NFYC: variants seen among roughly 807,000 people sequenced by gnomAD.
NFYC encodes the protein nuclear transcription factor Y subunit gamma.
A neutral mutation model predicts 53.1 loss-of-function variants in NFYC; 25 were observed. That is an observed-to-expected ratio of 0.47 (90% CI 0.34 to 0.66). The LOEUF is 0.66. Ranked by LOEUF, NFYC falls within the 30% of genes least tolerant of loss-of-function variation. The pLI is 0.01. For synonymous variants in NFYC, 145 were observed against 152.6 expected (o/e 0.95, Z 0.37); for missense variants, 260 against 422.7 (o/e 0.62, Z 3.38).
At chr1:40,709,789 T>C (rs1643876485) in intron 1 of NFYC, among the ~76,000 whole-genome samples, 1 of 152,216 alleles carries the variant, frequency 6.6e-6, no homozygotes, top group Admixed American at 6.5e-5. Flanking sequence ...CTAGGATTTC[T>C]TTCCTAGTTG....
chr1:40,750,506 T>C (rs1187536245), intron 4 of NFYC, among the ~76,000 whole-genome samples: 4 of 152,202 alleles, frequency 2.6e-5, no homozygotes, highest in Admixed American at 2.0e-4. Flanking sequence ...AAAATCCTTA[T>C]CTGTGGGAAG....
intron 1 of NFYC, among the ~76,000 whole-genome samples, chr1:40,697,856 C>G (rs1486641036): frequency 6.6e-6 from 1 of 152,166 alleles, no homozygotes; most frequent in Non-Finnish European, 1.5e-5. Flanking sequence ...CAGTGATGTA[C>G]CTGATAGCAG....
intron 1 of NFYC, among the ~76,000 whole-genome samples, chr1:40,720,810 A>G (rs1644300944): frequency 6.6e-6 from 1 of 152,218 alleles, no homozygotes; most frequent in Non-Finnish European, 1.5e-5. Flanking sequence ...TTGAGGCTTC[A>G]GTGAGCCATG....
chr1:40,748,926 T>C (rs1172025361), intron 3 of NFYC, among the ~76,000 whole-genome samples: 4 of 152,202 alleles, frequency 2.6e-5, no homozygotes, highest in African/African-American at 9.7e-5. Context: ...CATCTGCTGC[T>C]TCTTTAACTC....
intron 1 of NFYC, among the ~76,000 whole-genome samples, chr1:40,738,372 A>G (rs1183896553): frequency 6.6e-6 from 1 of 152,210 alleles, no homozygotes; most frequent in Non-Finnish European, 1.5e-5. Context: ...ATTTCTGTAC[A>G]GTACTAATCA....
intron 1 of NFYC, chr1:40,735,021 G>C (rs1452736915): frequency 6.6e-6 from 1 of 152,194 alleles, no homozygotes; most frequent in African/African-American, 2.4e-5. Context: ...AGATGGGAAA[G>C]AATGTCTTAC....
intron 8 of NFYC, chr1:40,767,115 T>A: frequency 1.3e-6 from 1 of 757,748 alleles, no homozygotes; most frequent in Admixed American, 2.1e-5. Flanking sequence ...TACCCCTACC[T>A]CCTCTTGCAT....
chr1:40,734,198 A>G (rs1570512910), intron 1 of NFYC, among the ~76,000 whole-genome samples: 1 of 152,150 alleles, frequency 6.6e-6, no homozygotes, highest in Non-Finnish European at 1.5e-5. Flanking sequence ...ACTTTTAAAT[A>G]CATTCTTTCC....
intron 1 of NFYC, among the ~76,000 whole-genome samples, chr1:40,727,320 C>T (rs1008842048): frequency 6.6e-5 from 10 of 151,862 alleles, no homozygotes; most frequent in African/African-American, 1.9e-4. Context: ...ATCTCCCAGG[C>T]TCAAGTGATC....
intron 6 of NFYC, among the ~76,000 whole-genome samples, chr1:40,760,310 T>C (rs1412594616): frequency 2.0e-5 from 3 of 152,134 alleles, no homozygotes; most frequent in East Asian, 1.9e-4. Context: ...CTCACACCTA[T>C]AATCCCATCA....
chr1:40,760,726 A>G (rs1166728013), intron 6 of NFYC, among the ~76,000 whole-genome samples: 1 of 152,126 alleles, frequency 6.6e-6, no homozygotes, highest in Non-Finnish European at 1.5e-5. Context: ...TCAAAAAAAA[A>G]AAAAGGTAAT....
intron 4 of NFYC, among the ~76,000 whole-genome samples, chr1:40,750,453 C>T (rs1310720987): frequency 6.6e-6 from 1 of 152,184 alleles, no homozygotes; most frequent in Non-Finnish European, 1.5e-5. Flanking sequence ...ATGTGCCGGG[C>T]ACTTTTCTAG....
At chr1:40,714,601 C>T (rs1490622344) in intron 1 of NFYC, among the ~76,000 whole-genome samples, 2 of 152,098 alleles carry the variant, frequency 1.3e-5, no homozygotes, top group African/African-American at 4.8e-5. Context: ...GTCTACATTT[C>T]CCAGAAGTTT....
In NFYC at chr1:40,702,886, G is replaced by A. The variant is rs928169372; in HGVS notation, c.-9+11019G>A. ...GGCCGGAGTGCAGTGGCATGATCTC[G>A]GCTCACTGCATCCTCCACCTCCCAG... is the stretch of plus-strand genomic sequence containing the variant. On this transcript the variant is annotated intron_variant, in intron 1 of 9. Coordinates refer to ENST00000447388, the MANE Select transcript of NFYC (RefSeq NM_014223.5). 7.9e-5 allele frequency among the ~76,000 whole-genome samples: 12 copies of A among 151,972 alleles called. No individual in the cohort carries two copies. The South Asian group carries it at 1.0e-3, about 13-fold the overall frequency.
intron 1 of NFYC, among the ~76,000 whole-genome samples, chr1:40,702,599 C>T (rs1643493076): frequency 6.6e-6 from 1 of 152,116 alleles, no homozygotes; most frequent in Non-Finnish European, 1.5e-5. Context: ...GCCTCGGCCT[C>T]CCAAAGTGCT....
At chr1:40,762,792 G>T in intron 6 of NFYC, 96 bp from the exon 7 acceptor site, 3 of 1,218,764 alleles carry the variant, frequency 2.5e-6, no homozygotes, top group Non-Finnish European at 3.3e-6. Context: ...CATGGAGAGG[G>T]TTTGCTCCCA....
intron 1 of NFYC, among the ~76,000 whole-genome samples, chr1:40,721,977 T>G (rs1466955365): frequency 1.3e-5 from 2 of 152,102 alleles, no homozygotes; most frequent in Non-Finnish European, 2.9e-5. Context: ...GAGACCATCC[T>G]GGCTAACACG....
At chr1:40,764,515 G>C (rs184990694) in intron 7 of NFYC, among the ~76,000 whole-genome samples, 5 of 152,320 alleles carry the variant, frequency 3.3e-5, no homozygotes, top group Non-Finnish European at 7.3e-5. Context: ...TGCAAGCGAA[G>C]GCACCACCAC....
intron 1 of NFYC, among the ~76,000 whole-genome samples, chr1:40,734,558 ACC>A (rs1319607804): frequency 6.6e-6 from 1 of 151,724 alleles, no homozygotes; most frequent in Admixed American, 6.6e-5. Flanking sequence ...ATGAGGTTTC[ACC>A]ATGTTGGCCA....
Sources: allele counts gnomAD v4.1 joint callset (sites outside exome capture counted in the v4.1 genomes callset), GRCh38; gene constraint gnomAD v4.1.1; transcripts MANE v1.5; gene names NCBI Gene and HGNC (gene_info 2026-07-23, HGNC 2026-07-21).